Variants in EYS observed in about 807,000 individuals in gnomAD.
The protein encoded by EYS is protein eyes shut homolog.
In EYS, 250 loss-of-function variants were observed where a neutral mutation model predicts 282.1. The observed-to-expected ratio is 0.89, with a 90% CI of 0.80 to 0.98. The LOEUF (loss-of-function observed/expected upper bound fraction) is 0.98. Ranked by LOEUF, EYS falls within the 50% of genes least tolerant of loss-of-function variation. The probability of loss-of-function intolerance (pLI) is 0.00; values close to 1 mark genes in which losing one functional copy is unlikely to be tolerated. For missense variants in EYS, 4,016 were observed against 3,709.0 expected, an observed-to-expected ratio of 1.08 and a Z score of -2.15; for synonymous variants, 1,355 against 1,282.9, an observed-to-expected ratio of 1.06 and a Z score of -1.20.
intron 24 of EYS, among the ~76,000 whole-genome samples, chr6:64,614,127 T>C (rs1767193921): frequency 6.6e-6 from 1 of 152,150 alleles, no homozygotes; most frequent in Non-Finnish European, 1.5e-5. Flanking sequence ...AGGGATCTTT[T>C]ATAACAACAG....
At chr6:63,774,301 T>G (rs1770006217) in intron 40 of EYS, among the ~76,000 whole-genome samples, 1 of 152,106 alleles carries the variant, frequency 6.6e-6, no homozygotes, top group South Asian at 2.1e-4. Context: ...CCCAGGTAGC[T>G]GGGATTACAG....
chr6:65,290,487 C>T (rs1224931664), intron 12 of EYS, among the ~76,000 whole-genome samples: 1 of 151,058 alleles, frequency 6.6e-6, no homozygotes, highest in Non-Finnish European at 1.5e-5. Context: ...GACAATTATA[C>T]TTTTAAATGT....
At chr6:64,138,124 C>G (rs1292255702) in intron 31 of EYS, among the ~76,000 whole-genome samples, 1 of 152,144 alleles carries the variant, frequency 6.6e-6, no homozygotes, top group Non-Finnish European at 1.5e-5. Context: ...TTCCTAAACT[C>G]AAGCACAATT....
intron 36 of EYS, among the ~76,000 whole-genome samples, chr6:63,851,143 A>C (rs986150243): frequency 3.9e-5 from 6 of 152,214 alleles, no homozygotes; most frequent in Non-Finnish European, 7.3e-5. Context: ...ATATATACGC[A>C]CCCAATACAG....
At chr6:63,739,945 A>C (rs893183646) in intron 41 of EYS, among the ~76,000 whole-genome samples, 18 of 147,508 alleles carry the variant, frequency 1.2e-4, no homozygotes, top group East Asian at 4.0e-4. Flanking sequence ...TGATCCACCC[A>C]CCTCAGCCTC....
At chr6:65,370,774 A>G (rs763805448) in intron 8 of EYS, among the ~76,000 whole-genome samples, 3 of 151,888 alleles carry the variant, frequency 2.0e-5, no homozygotes, top group Non-Finnish European at 4.4e-5. Flanking sequence ...CGCACTTCCT[A>G]TAAGGGAGTC....
intron 2 of EYS, among the ~76,000 whole-genome samples, chr6:65,523,778 G>C (rs542352082): frequency 6.6e-6 from 1 of 152,164 alleles, no homozygotes; most frequent in Non-Finnish European, 1.5e-5. Flanking sequence ...TACGTTATGA[G>C]AGAACAAGTT....
intron 12 of EYS, among the ~76,000 whole-genome samples, chr6:65,242,949 T>A (rs1767091085): frequency 6.6e-6 from 1 of 152,172 alleles, no homozygotes; most frequent in Non-Finnish European, 1.5e-5. Context: ...GCTTTGCTCA[T>A]ATTTTAATGT....
intron 5 of EYS, among the ~76,000 whole-genome samples, chr6:65,470,035 T>C (rs1765152401): frequency 6.6e-6 from 1 of 152,162 alleles, no homozygotes; most frequent in Non-Finnish European, 1.5e-5. Flanking sequence ...AGGAAAAGGA[T>C]GTTTCTAGAG....
chr6:65,550,151 T>TCCAGAC (rs1768559827), intron 2 of EYS, among the ~76,000 whole-genome samples: 3 of 21,160 alleles, frequency 1.4e-4, no homozygotes, highest in African/African-American at 4.6e-4. Flanking sequence ...ATCTTTTTTT[T>TCCAGAC]TTTTTTTTTT....
chr6:64,113,984 T>C (rs963017165), intron 31 of EYS, among the ~76,000 whole-genome samples: 1 of 152,304 alleles, frequency 6.6e-6, no homozygotes, highest in African/African-American at 2.4e-5. Flanking sequence ...ACTGGCAGAA[T>C]TGACTGGTTG....
chr6:63,725,177 A>G (rs921168681), intron 42 of EYS, among the ~76,000 whole-genome samples: 4 of 152,174 alleles, frequency 2.6e-5, no homozygotes, highest in African/African-American at 9.6e-5. Context: ...GTGTGAAACT[A>G]ATGAATCTCT....
At chr6:64,022,984 C>G (rs985072470) in intron 33 of EYS, among the ~76,000 whole-genome samples, 1 of 152,200 alleles carries the variant, frequency 6.6e-6, no homozygotes, top group Non-Finnish European at 1.5e-5. Context: ...TCGACTTCAA[C>G]AAACCATTAT....
chr6:65,276,139 G>A (rs1393553458), intron 12 of EYS, among the ~76,000 whole-genome samples: 1 of 152,044 alleles, frequency 6.6e-6, no homozygotes, highest in South Asian at 2.1e-4. Context: ...AGAGTTTTCT[G>A]AAAGCTCAGT....
chr6:64,320,109 GT>G (rs1395963288), intron 29 of EYS, among the ~76,000 whole-genome samples: 1 of 151,834 alleles, frequency 6.6e-6, no homozygotes, highest in East Asian at 1.9e-4. Context: ...GTTTTTTAAA[GT>G]CAGCACTTAA....
intron 12 of EYS, among the ~76,000 whole-genome samples, chr6:65,193,978 A>T (rs1002699707): frequency 6.6e-6 from 1 of 151,834 alleles, no homozygotes; most frequent in African/African-American, 2.4e-5. Flanking sequence ...TTGGGGAAAA[A>T]ATTGCCTTTC....
chr6:64,905,734 T>C (rs919187361), intron 16 of EYS, among the ~76,000 whole-genome samples: 2 of 152,160 alleles, frequency 1.3e-5, no homozygotes, highest in Non-Finnish European at 2.9e-5. Flanking sequence ...TAGAAGGTAA[T>C]GTATGGAACA....
intron 12 of EYS, among the ~76,000 whole-genome samples, chr6:65,280,788 T>C (rs1291363623): frequency 6.6e-6 from 1 of 150,870 alleles, no homozygotes; most frequent in African/African-American, 2.4e-5. Flanking sequence ...GAGGCCAAGG[T>C]GGGCGGATCG....
intron 22 of EYS, among the ~76,000 whole-genome samples, chr6:64,798,279 T>G (rs919094052): frequency 3.3e-5 from 5 of 151,912 alleles, no homozygotes; most frequent in Non-Finnish European, 7.4e-5. Context: ...ATCTTCTTTT[T>G]CATAAAGATG....
Sources: allele counts gnomAD v4.1 joint callset (sites outside exome capture counted in the v4.1 genomes callset), GRCh38; gene constraint gnomAD v4.1.1; transcripts MANE v1.5; gene names NCBI Gene and HGNC (gene_info 2026-07-23, HGNC 2026-07-21).